Variants in MCF2L2 observed in about 807,000 individuals in gnomAD.
MCF2L2 encodes MCF.2 cell line derived transforming sequence-like 2, also known as probable guanine nucleotide exchange factor MCF2L2.
In MCF2L2, 102 loss-of-function variants were observed where a neutral mutation model predicts 150.2. That is an observed-to-expected ratio of 0.68 (90% confidence interval 0.58 to 0.80). The LOEUF (loss-of-function observed/expected upper bound fraction) is 0.80. MCF2L2 is among the 30% of genes least tolerant of loss of function. The pLI, the probability that MCF2L2 is intolerant of heterozygous loss-of-function variation, is 0.00. For missense variants in MCF2L2, 1,256 were observed against 1,372.8 expected (o/e 0.91, Z 1.34); for synonymous variants, 465 against 491.3 (o/e 0.95, Z 0.71).
At chr3:183,186,586 G>A (rs1363951691) in intron 27 of MCF2L2, among the ~76,000 whole-genome samples, 1 of 152,232 alleles carries the variant, frequency 6.6e-6, no homozygotes, top group Non-Finnish European at 1.5e-5. Context: ...AATTAGCGAG[G>A]TGTGGTGGTG....
intron 9 of MCF2L2, chr3:183,310,389 C>A: frequency 5.6e-6 from 1 of 177,534 alleles, no homozygotes; most frequent in Non-Finnish European, 1.2e-5. Flanking sequence ...GTAGTCCCAG[C>A]TACTCAGGAG....
chr3:183,305,986 T>A lies in MCF2L2; in HGVS notation c.1113+3730A>T, dbSNP rs1729077933. On this transcript the variant is annotated intron_variant, in intron 10 of 29. Transcript: ENST00000328913. The surrounding 1 kb of genome is among the most constrained non-coding windows in gnomAD (Gnocchi z 4.1). ...CCAACCATATTGCAAGCTGACCACA[T>A]GAAGTCCCTACCACACATCTAACTC... 6.6e-6 allele frequency among the ~76,000 whole-genome samples: 1 copy of A among 152,220 alleles called. No homozygotes were observed. The highest frequency in any genetic ancestry group is 2.4e-5 in the African/African-American group (1 of 41,452).
At chr3:183,191,923 C>G (rs1424347388) in intron 27 of MCF2L2, among the ~76,000 whole-genome samples, 1 of 151,244 alleles carries the variant, frequency 6.6e-6, no homozygotes, top group Non-Finnish European at 1.5e-5. Context: ...TCACTGCAAG[C>G]TCCGCCTCCC....
chr3:183,271,477 T>C (rs1444083832), intron 15 of MCF2L2: 43 of 167,138 alleles, frequency 2.6e-4, no homozygotes, highest in African/African-American at 2.4e-5. Context: ...TACAATGTTA[T>C]TATAAACAGA....
chr3:183,325,471 A>G (rs375772155), intron 5 of MCF2L2, among the ~76,000 whole-genome samples: 1 of 152,148 alleles, frequency 6.6e-6, no homozygotes, highest in East Asian at 1.9e-4. Flanking sequence ...AGAATGGATA[A>G]AAACCTGAAT....
intron 17 of MCF2L2, among the ~76,000 whole-genome samples, 194 bp from the exon 18 acceptor site, chr3:183,228,560 T>C (rs903426616): frequency 6.6e-6 from 1 of 152,140 alleles, no homozygotes; most frequent in African/African-American, 2.4e-5. Flanking sequence ...TACCCTGAAA[T>C]CACTCACAAC....
intron 9 of MCF2L2, chr3:183,310,517 G>T: frequency 3.8e-6 from 1 of 265,316 alleles, no homozygotes. Flanking sequence ...AAAAATTACC[G>T]GGTGTGATGG....
At chr3:183,326,878 G>C (rs904358313) in intron 5 of MCF2L2, among the ~76,000 whole-genome samples, 2 of 151,984 alleles carry the variant, frequency 1.3e-5, no homozygotes, top group Non-Finnish European at 2.9e-5. Flanking sequence ...ACACTAATCT[G>C]ATTTTTTACA....
intron 1 of MCF2L2, among the ~76,000 whole-genome samples, chr3:183,414,682 T>C (rs1203567596): frequency 6.6e-6 from 1 of 152,240 alleles, no homozygotes; most frequent in African/African-American, 2.4e-5. Context: ...TTTCTTAATG[T>C]AAGCATTTGC....
Position 183,256,536 on chromosome 3 carries a change from A to G in MCF2L2, c.1862+20336T>C, listed in dbSNP as rs979967142. 2.0e-5 allele frequency among the ~76,000 whole-genome samples: 3 copies of G among 152,204 alleles called. No homozygotes were observed. In the South Asian group the frequency reaches 6.2e-4, roughly 31 times the overall value. On this transcript the variant is annotated intron_variant, in intron 15 of 29. Transcript: ENST00000328913. ...TAACTTATTCAGATTTCTCTTCCAT[A>G]GAAGGCTTTAACACTAGAAGCCAGT...
Position 183,423,190 on chromosome 3 carries a change from C to T in MCF2L2, c.76+4712G>A, listed in dbSNP as rs980378085. Among the ~76,000 whole-genome samples, 4 of 152,128 alleles carry T rather than the reference C, an allele frequency of 2.6e-5. No homozygotes were observed. In the East Asian group the frequency reaches 7.7e-4, roughly 29 times the overall value. ...CACATTCCCACCTGATTAGCAGATA[C>T]CCTACTCTAATTAGACTCTTCTTTC... On this transcript the variant is annotated intron_variant, in intron 1 of 29. Coordinates refer to ENST00000328913, the MANE Select transcript of MCF2L2 (RefSeq NM_015078.4).
At chr3:183,325,267 T>C (rs1247640102) in intron 5 of MCF2L2, among the ~76,000 whole-genome samples, 1 of 151,640 alleles carries the variant, frequency 6.6e-6, no homozygotes, top group Non-Finnish European at 1.5e-5. Context: ...TAAAGTATAA[T>C]AATAATAAAA....
chr3:183,289,348 C>G, intron 13 of MCF2L2, 128 bp from the exon 14 acceptor site: 1 of 624,418 alleles, frequency 1.6e-6, no homozygotes, highest in Non-Finnish European at 2.8e-6. Context: ...TGAGCTGCTG[C>G]GTTGATTTCC....
intron 10 of MCF2L2, among the ~76,000 whole-genome samples, chr3:183,307,039 C>A (rs1729131898): frequency 6.6e-6 from 1 of 152,182 alleles, no homozygotes; most frequent in Non-Finnish European, 1.5e-5. Flanking sequence ...ACTGCTAAAC[C>A]CTCAAACGAG....
At chr3:183,315,824 G>C (rs1729580358) in intron 7 of MCF2L2, among the ~76,000 whole-genome samples, 1 of 152,122 alleles carries the variant, frequency 6.6e-6, no homozygotes, top group Non-Finnish European at 1.5e-5. Flanking sequence ...AGACCTGACT[G>C]GCTGGTTTTC....
intron 5 of MCF2L2, among the ~76,000 whole-genome samples, chr3:183,336,415 T>C (rs1418036208): frequency 6.6e-6 from 1 of 152,156 alleles, no homozygotes; most frequent in African/African-American, 2.4e-5. Flanking sequence ...GAATATATAT[T>C]AGAAAATGTA....
chr3:183,421,522 T>C (rs1199324685), intron 1 of MCF2L2, among the ~76,000 whole-genome samples: 1 of 152,260 alleles, frequency 6.6e-6, no homozygotes, highest in Non-Finnish European at 1.5e-5. Flanking sequence ...CTTGAACTCC[T>C]GGCCTCAAGC....
intron 4 of MCF2L2, among the ~76,000 whole-genome samples, chr3:183,340,853 G>C (rs1359520583): frequency 6.6e-6 from 1 of 152,190 alleles, no homozygotes; most frequent in African/African-American, 2.4e-5. Flanking sequence ...TGAGGCAGGA[G>C]AATCTCTCGA....
intron 15 of MCF2L2, among the ~76,000 whole-genome samples, chr3:183,275,826 G>C (rs545648502): frequency 7.9e-5 from 12 of 152,232 alleles, no homozygotes; most frequent in African/African-American, 2.6e-4. Context: ...ATGTTGCTCA[G>C]GCTGGTCTTC....
Sources: allele counts gnomAD v4.1 joint callset (sites outside exome capture counted in the v4.1 genomes callset), GRCh38; gene constraint gnomAD v4.1.1; non-coding constraint Gnocchi (gnomAD v3.1); transcripts MANE v1.5; gene names NCBI Gene and HGNC (gene_info 2026-07-23, HGNC 2026-07-21).